CAMK1D: variants seen among roughly 807,000 people sequenced by gnomAD.
CAMK1D encodes the protein calcium/calmodulin dependent protein kinase ID.
Under a neutral mutation model 47.7 loss-of-function variants are expected in CAMK1D, and 9 were observed. The ratio of observed to expected loss-of-function variants is 0.19; its 90% CI spans 0.11 to 0.33. The LOEUF (loss-of-function observed/expected upper bound fraction) is 0.33. Among genes scored for constraint, CAMK1D ranks in the 10% least tolerant of loss-of-function variants. The probability of loss-of-function intolerance (pLI) is 1.00; values close to 1 mark genes in which losing one functional copy is unlikely to be tolerated. For missense variants in CAMK1D, 291 were observed against 488.7 expected, an observed-to-expected ratio of 0.60 and a Z score of 3.81; for synonymous variants, 184 against 184.9, an observed-to-expected ratio of 0.99 and a Z score of 0.04.
At chr10:12,817,865 T>A (rs1399802275) in intron 8 of CAMK1D, among the ~76,000 whole-genome samples, 1 of 152,046 alleles carries the variant, frequency 6.6e-6, no homozygotes, top group African/African-American at 2.4e-5. Flanking sequence ...TTTTTTGTAT[T>A]TTTAGTAGAG....
chr10:12,809,856 A>C (rs531403317), intron 6 of CAMK1D, among the ~76,000 whole-genome samples: 2 of 152,226 alleles, frequency 1.3e-5, no homozygotes, highest in African/African-American at 2.4e-5. Flanking sequence ...TGTACACTTA[A>C]AGATGTGTTA....
chr10:12,462,497 A>G (rs909500192), intron 1 of CAMK1D, among the ~76,000 whole-genome samples: 4 of 150,172 alleles, frequency 2.7e-5, no homozygotes, highest in Non-Finnish European at 4.4e-5. Context: ...ATAAATGGTT[A>G]TAAGCATTGG....
At chr10:12,677,468 G>A (rs569416087) in intron 3 of CAMK1D, among the ~76,000 whole-genome samples, 1 of 152,102 alleles carries the variant, frequency 6.6e-6, no homozygotes, top group Non-Finnish European at 1.5e-5. Flanking sequence ...AGACACAATC[G>A]ATGCTCCTCA....
chr10:12,436,148 T>G (rs1832628256), intron 1 of CAMK1D, among the ~76,000 whole-genome samples: 1 of 152,220 alleles, frequency 6.6e-6, no homozygotes, highest in Admixed American at 6.5e-5. Flanking sequence ...CGGCTTCATC[T>G]GTGACTCAAG....
Position 12,350,592 on chromosome 10 carries a change from G to A in CAMK1D, c.92+682G>A, listed in dbSNP as rs578190311. ...CGGTGCTCTCTCCGGGCTGCATCGA[G>A]TCCCATGCTGATGGCTGTGTCTCAA... On this transcript the variant is annotated intron_variant, in intron 1 of 10. Coordinates refer to ENST00000619168, the MANE Select transcript of CAMK1D (RefSeq NM_153498.4). 7.9e-5 allele frequency among the ~76,000 whole-genome samples: 12 copies of A among 152,328 alleles called. No individual in the cohort carries two copies. The South Asian group carries it at 2.5e-3, about 32-fold the overall frequency.
In CAMK1D at chr10:12,526,408, C is replaced by T. The variant is rs925795494; in HGVS notation, c.93-26817C>T. Among the ~76,000 whole-genome samples, 8 of 152,278 alleles carry T rather than the reference C, an allele frequency of 5.3e-5. No homozygotes were observed. In the East Asian group the frequency reaches 1.5e-3, roughly 29 times the overall value. On this transcript the variant is annotated intron_variant, in intron 1 of 10. Coordinates refer to ENST00000619168, the MANE Select transcript of CAMK1D (RefSeq NM_153498.4). ...GAGTGAGCCGGGACTTGTGCTGATGCATACACAGATTTATAGGATCTCTTT... is the reference window on the plus strand; with the variant it reads ...GAGTGAGCCGGGACTTGTGCTGATGTATACACAGATTTATAGGATCTCTTT...
At chr10:12,673,670 AAT>A (rs1369799989) in intron 3 of CAMK1D, among the ~76,000 whole-genome samples, 1 of 152,260 alleles carries the variant, frequency 6.6e-6, no homozygotes, top group Non-Finnish European at 1.5e-5. Context: ...ATAGCATAAT[AAT>A]ATGTCTTAAA....
chr10:12,453,130 A>C (rs1833136738), intron 1 of CAMK1D, among the ~76,000 whole-genome samples: 1 of 150,250 alleles, frequency 6.7e-6, no homozygotes, highest in Admixed American at 6.6e-5. Context: ...GGCTTATTTC[A>C]CTCAGTCCTC....
rs572080208 is a variant in CAMK1D at position 12,674,295 on chromosome 10, T to C, written c.299+7485T>C. Reference sequence around the variant, plus strand: ...AAGAGTTTTTGTTTTTATTTTGTTTTTGTTTGACTAAAGAGCTAAGAAAGT... The same window carrying C: ...AAGAGTTTTTGTTTTTATTTTGTTTCTGTTTGACTAAAGAGCTAAGAAAGT... On this transcript the variant is annotated intron_variant, in intron 3 of 10. Transcript: ENST00000619168. 6.8e-4 allele frequency among the ~76,000 whole-genome samples: 104 copies of C among 152,334 alleles called. 3 individuals carry two copies. The Middle Eastern group carries it at 0.02, about 30-fold the overall frequency.
chr10:12,781,972 G>GT (rs58759372), intron 5 of CAMK1D, among the ~76,000 whole-genome samples: 1,617 of 128,538 alleles, frequency 0.013, 25 homozygotes, highest in African/African-American at 0.031. Context: ...TAATTTAATT[G>GT]TTTTTTTTTT....
At chr10:12,458,716 A>T (rs1188413850) in intron 1 of CAMK1D, among the ~76,000 whole-genome samples, 1 of 152,128 alleles carries the variant, frequency 6.6e-6, no homozygotes, top group Non-Finnish European at 1.5e-5. Context: ...TACAGGTGTG[A>T]GTCACTGCGC....
intron 3 of CAMK1D, among the ~76,000 whole-genome samples, chr10:12,682,949 A>G (rs973319913): frequency 6.6e-6 from 1 of 150,842 alleles, no homozygotes; most frequent in African/African-American, 2.4e-5. Context: ...TTGGAGATGG[A>G]GTGTCTCTAT....
intron 1 of CAMK1D, among the ~76,000 whole-genome samples, chr10:12,482,994 G>C (rs1005842798): frequency 3.9e-5 from 6 of 152,068 alleles, no homozygotes; most frequent in Non-Finnish European, 8.8e-5. Flanking sequence ...AGCTAAGTGT[G>C]CAAAAGAGAT....
intron 3 of CAMK1D, among the ~76,000 whole-genome samples, chr10:12,737,432 G>A (rs1213307016): frequency 1.3e-5 from 2 of 152,054 alleles, no homozygotes; most frequent in Non-Finnish European, 2.9e-5. Context: ...GCCCCTTCCT[G>A]ACCACCCCGG....
intron 1 of CAMK1D, among the ~76,000 whole-genome samples, chr10:12,497,802 G>A (rs990147095): frequency 6.6e-6 from 1 of 152,198 alleles, no homozygotes; most frequent in Admixed American, 6.5e-5. Context: ...GTTGCAGGAA[G>A]ATATTTATTT....
intron 2 of CAMK1D, among the ~76,000 whole-genome samples, chr10:12,558,344 A>T (rs1304133511): frequency 6.6e-6 from 1 of 152,198 alleles, no homozygotes; most frequent in Non-Finnish European, 1.5e-5. Flanking sequence ...GCTTGAGGTC[A>T]AGAGCTTGAG....
chr10:12,489,184 G>A (rs1426734364), intron 1 of CAMK1D, among the ~76,000 whole-genome samples: 3 of 152,030 alleles, frequency 2.0e-5, no homozygotes, highest in African/African-American at 4.8e-5. Flanking sequence ...GTGATCCGCC[G>A]GCCTCGGCCT....
At chr10:12,476,721 C>T (rs1184560923) in intron 1 of CAMK1D, among the ~76,000 whole-genome samples, 4 of 151,958 alleles carry the variant, frequency 2.6e-5, no homozygotes, top group Non-Finnish European at 4.4e-5. Flanking sequence ...TAAGTATTTC[C>T]ACCTCTTTTC....
chr10:12,722,442 G>A (rs1357787777), intron 3 of CAMK1D, among the ~76,000 whole-genome samples: 3 of 36,704 alleles, frequency 8.2e-5, no homozygotes, highest in South Asian at 2.6e-3. Flanking sequence ...GTGAGACTCC[G>A]CCTCAAAAAA....
Sources: allele counts gnomAD v4.1 joint callset (sites outside exome capture counted in the v4.1 genomes callset), GRCh38; gene constraint gnomAD v4.1.1; transcripts MANE v1.5; gene names NCBI Gene and HGNC (gene_info 2026-07-23, HGNC 2026-07-21).